CLCN3: variants seen among roughly 807,000 people sequenced by gnomAD.
The protein encoded by CLCN3 is Cl-/H+ antiporter 3, also known as H(+)/Cl(-) exchange transporter 3.
In CLCN3, 16 loss-of-function variants were observed where a neutral mutation model predicts 83.4. That is an observed-to-expected ratio of 0.19 (90% CI 0.13 to 0.29). The LOEUF (loss-of-function observed/expected upper bound fraction) is 0.29, where lower values mean the gene tolerates loss of function less well. Among genes scored for constraint, CLCN3 ranks in the 10% least tolerant of loss-of-function variants. The pLI is 1.00. For synonymous variants in CLCN3, 322 were observed against 346.2 expected (o/e 0.93, Z 0.78); for missense variants, 544 against 1,006.0 (o/e 0.54, Z 6.21).
Position 169,722,739 on chromosome 4 carries a change from C to G in CLCN3, c.*2742C>G, listed in dbSNP as rs1421336263. 1 of 152,086 alleles carries G rather than the reference C, an allele frequency of 6.6e-6. No homozygotes were observed. Among genetic ancestry groups the G allele is most frequent in the Non-Finnish European group, 1.5e-5 (1 of 68,004 alleles). The allele number at this position is 152,086 out of a possible 1,614,324, so 9.4% of individuals were successfully genotyped here. A position where few individuals can be genotyped will look rare whatever the true frequency, so the allele number is the denominator to read the frequency against. On this transcript the variant is annotated 3_prime_UTR_variant, in exon 13 of 13. Transcript: ENST00000513761. ...TGGTATATTTCTATCCCTAGTATTT[C>G]TATCTTACTGCTAAAATACAGGAAA...
At chr4:169,675,803 A>G (rs1006240779) in intron 2 of CLCN3, among the ~76,000 whole-genome samples, 1 of 152,216 alleles carries the variant, frequency 6.6e-6, no homozygotes, top group Non-Finnish European at 1.5e-5. Flanking sequence ...GATACTTAAT[A>G]TTTAAAGGAG....
At chr4:169,662,182 C>G (rs1321143468) in intron 2 of CLCN3, among the ~76,000 whole-genome samples, 1 of 152,148 alleles carries the variant, frequency 6.6e-6, no homozygotes, top group Non-Finnish European at 1.5e-5. Context: ...CTTTTTATTT[C>G]TATTATACTT....
At chr4:169,630,644 C>A (rs1049241729) in intron 1 of CLCN3, among the ~76,000 whole-genome samples, 1 of 152,144 alleles carries the variant, frequency 6.6e-6, no homozygotes, top group African/African-American at 2.4e-5. Context: ...AATTCTCCTG[C>A]CTCAGCCTCC....
chr4:169,716,617 A>C (rs894928644), intron 12 of CLCN3, among the ~76,000 whole-genome samples: 2 of 152,118 alleles, frequency 1.3e-5, no homozygotes, highest in African/African-American at 4.8e-5. Context: ...TGGAGGGGGA[A>C]GTTGCTCCCA....
At chr4:169,676,192 C>A (rs1731669553) in intron 2 of CLCN3, among the ~76,000 whole-genome samples, 1 of 152,078 alleles carries the variant, frequency 6.6e-6, no homozygotes, top group South Asian at 2.1e-4. Context: ...TTTATTATGG[C>A]CAATTTTTTA....
Position 169,720,161 on chromosome 4 carries a change from G to A in CLCN3, c.*164G>A. 1.0e-6 allele frequency: 1 copy of A among 988,850 alleles called. No homozygotes were observed. Among genetic ancestry groups the A allele is most frequent in the Non-Finnish European group, 1.5e-6 (1 of 662,424 alleles). The allele number at this position is 988,850 out of a possible 1,614,324, so 61.3% of individuals were successfully genotyped here. On this transcript the variant is annotated 3_prime_UTR_variant, in exon 13 of 13. Transcript: ENST00000513761. Reference sequence around the variant, plus strand: ...GCAACATGGTTTGCAAATAATGCTGGTGGAATGGAGGAGTTGTTTGGGGAG... The same window carrying A: ...GCAACATGGTTTGCAAATAATGCTGATGGAATGGAGGAGTTGTTTGGGGAG...
chr4:169,683,196 G>A (rs1230130141), intron 3 of CLCN3, among the ~76,000 whole-genome samples: 1 of 152,138 alleles, frequency 6.6e-6, no homozygotes, highest in Non-Finnish European at 1.5e-5. Flanking sequence ...AGAAAACTGA[G>A]ATCAAAGGAA....
At chr4:169,662,285 T>C (rs1560841982) in intron 2 of CLCN3, among the ~76,000 whole-genome samples, 1 of 152,202 alleles carries the variant, frequency 6.6e-6, no homozygotes. Flanking sequence ...ATGAGACTTA[T>C]TCTATTAATA....
chr4:169,680,369 A>AT (rs369168844), intron 3 of CLCN3, 162 bp downstream of exon 3: 1 of 587,384 alleles, frequency 1.7e-6, no homozygotes, highest in East Asian at 3.0e-5. Context: ...TCTATGTTTA[A>AT]TTTTTTTAGT....
intron 2 of CLCN3, among the ~76,000 whole-genome samples, chr4:169,647,996 A>T (rs1730623002): frequency 6.6e-6 from 1 of 152,230 alleles, no homozygotes; most frequent in Non-Finnish European, 1.5e-5. Flanking sequence ...ATCCTAGTCT[A>T]ATCATAAGAA....
chr4:169,719,501 A>G (rs1028905680), intron 12 of CLCN3, among the ~76,000 whole-genome samples: 4 of 152,160 alleles, frequency 2.6e-5, no homozygotes, highest in Non-Finnish European at 5.9e-5. Flanking sequence ...AAGAGAAAAT[A>G]TTGAGAGGAT....
rs1733699551 is a variant in CLCN3, at chr4:169,723,474, CAA to C, written c.*3480_*3481del. The C allele has an allele frequency of 1.3e-5, 2 of 148,904 alleles. No homozygotes were observed. Among genetic ancestry groups the C allele is most frequent in the South Asian group, 4.3e-4 (2 of 4,666 alleles). 9.2% of individuals were successfully genotyped at this position (148,904 alleles called of 1,614,324 possible). A position where few individuals can be genotyped will look rare whatever the true frequency, so the allele number is the denominator to read the frequency against. On this transcript the variant is annotated 3_prime_UTR_variant, in exon 13 of 13. Coordinates refer to ENST00000513761, the MANE Select transcript of CLCN3 (RefSeq NM_001829.4). ...AACTGATTTCATTTCAGCTCACTTT[CAA>C]AAGTGATTTTTTTTTTTTTCGCAAG...
At chr4:169,629,815 A>C (rs1773325608) in intron 1 of CLCN3, among the ~76,000 whole-genome samples, 1 of 152,332 alleles carries the variant, frequency 6.6e-6, no homozygotes, top group East Asian at 1.9e-4. Context: ...AAGTGCTGTA[A>C]AAGAGAGCTA....
chr4:169,713,304 G>A lies in CLCN3; in HGVS notation c.2366+9G>A. On this transcript the variant is annotated intron_variant, in intron 12 of 12. Coordinates refer to ENST00000513761, the MANE Select transcript of CLCN3 (RefSeq NM_001829.4). ...CTTGTAACTCACAATGGGTAAGTCT[G>A]GTACCACAGGAATCAGTTCACTTGC... 6.3e-7 allele frequency: 1 copy of A among 1,589,532 alleles called. No individual in the cohort carries two copies.
At chr4:169,636,287 T>C (rs992849860) in intron 2 of CLCN3, among the ~76,000 whole-genome samples, 199 bp downstream of exon 2, 1 of 152,198 alleles carries the variant, frequency 6.6e-6, no homozygotes, top group African/African-American at 2.4e-5. Context: ...ACCGTTTCTA[T>C]CTCGTTCCAA....
At chr4:169,702,777 CA>C (rs60812626) in intron 9 of CLCN3, 2,718 of 245,840 alleles carry the variant, frequency 0.011, 4 homozygotes, top group South Asian at 0.019. Context: ...CCCATCTCTA[CA>C]AAAAAAAAAA....
chr4:169,701,151 G>A (rs1410007750), intron 9 of CLCN3, among the ~76,000 whole-genome samples: 3 of 152,132 alleles, frequency 2.0e-5, no homozygotes, highest in Non-Finnish European at 4.4e-5. Context: ...CTAAGTTTAA[G>A]GAAAATTCAA....
chr4:169,634,701 G>A (rs538327531), intron 1 of CLCN3, among the ~76,000 whole-genome samples: 2 of 152,156 alleles, frequency 1.3e-5, no homozygotes, highest in East Asian at 1.9e-4. Context: ...TTGGAGAGAG[G>A]ATTTTTTTTT....
chr4:169,701,291 A>T (rs1344672714), intron 9 of CLCN3, among the ~76,000 whole-genome samples: 2 of 152,202 alleles, frequency 1.3e-5, no homozygotes, highest in African/African-American at 4.8e-5. Context: ...ATGAGATTCT[A>T]GCAATTCAGT....
Sources: allele counts gnomAD v4.1 joint callset (sites outside exome capture counted in the v4.1 genomes callset), GRCh38; gene constraint gnomAD v4.1.1; transcripts MANE v1.5; gene names NCBI Gene and HGNC (gene_info 2026-07-23, HGNC 2026-07-21).